Variants in ZNF438 observed in about 807,000 individuals in gnomAD.
ZNF438 encodes zinc finger protein 438.
ZNF438 carries 25 observed loss-of-function variants against 38.0 expected under a neutral mutation model. That is an observed-to-expected ratio of 0.66 (90% confidence interval 0.48 to 0.92). The LOEUF (loss-of-function observed/expected upper bound fraction) is 0.92. Among genes scored for constraint, ZNF438 ranks in the 40% least tolerant of loss-of-function variants. The pLI, the probability that ZNF438 is intolerant of heterozygous loss-of-function variation, is 0.00. For synonymous variants in ZNF438, 372 were observed against 364.1 expected (o/e 1.02, Z -0.25); for missense variants, 1,007 against 999.6 (o/e 1.01, Z -0.10).
chr10:31,015,945 T>C lies in ZNF438; in HGVS notation c.-192+15888A>G, dbSNP rs572226406. ...CTATCTGATCAGGGGTCCATTCTTA[T>C]GACCTTACTTAACCTTAATCACCTC... On this transcript the variant is annotated intron_variant, in intron 1 of 5. Transcript: ENST00000413025. Among the ~76,000 whole-genome samples, 13 of 152,334 alleles carry C rather than the reference T, an allele frequency of 8.5e-5. No homozygotes were observed. The East Asian group carries it at 1.9e-3, about 23-fold the overall frequency.
At chr10:30,904,544 G>C (rs1345932698) in intron 3 of ZNF438, among the ~76,000 whole-genome samples, 2 of 152,118 alleles carry the variant, frequency 1.3e-5, no homozygotes, top group Admixed American at 6.6e-5. Flanking sequence ...GACACAGCCA[G>C]AGTGATGTTT....
At chr10:31,024,971 T>C (rs2056846178) in intron 1 of ZNF438, among the ~76,000 whole-genome samples, 1 of 152,022 alleles carries the variant, frequency 6.6e-6, no homozygotes, top group Non-Finnish European at 1.5e-5. Flanking sequence ...CAAAAACAAA[T>C]ACAAAACCAC....
intron 2 of ZNF438, among the ~76,000 whole-genome samples, chr10:30,923,573 G>T (rs368553734): frequency 6.6e-6 from 1 of 152,068 alleles, no homozygotes; most frequent in African/African-American, 2.4e-5. Flanking sequence ...GCTGTTACGC[G>T]CACCCTTTCC....
Position 30,864,115 on chromosome 10 carries a change from A to G in ZNF438, c.37+12883T>C, listed in dbSNP as rs566714445. Among the ~76,000 whole-genome samples the G allele has an allele frequency of 2.6e-5, 4 of 152,272 alleles. No individual in the cohort carries two copies. The South Asian group carries it at 8.3e-4, about 32-fold the overall frequency. On this transcript the variant is annotated intron_variant, in intron 4 of 5. Coordinates refer to ENST00000413025, the Ensembl canonical transcript of ZNF438. ...GAAAAAAGAGAGGCTATTATGTGGG[A>G]ACTCATTCACTGTCCCTTTTATTTG...
intron 4 of ZNF438, among the ~76,000 whole-genome samples, chr10:30,856,708 A>G (rs967968242): frequency 2.0e-5 from 3 of 152,358 alleles, no homozygotes; most frequent in African/African-American, 7.2e-5. Context: ...AGAGACTCAC[A>G]GGACTCTCAG....
intron 3 of ZNF438, among the ~76,000 whole-genome samples, chr10:30,899,892 C>A (rs1305846292): frequency 1.3e-5 from 2 of 152,144 alleles, no homozygotes; most frequent in Non-Finnish European, 2.9e-5. Flanking sequence ...TTTCTGGCCA[C>A]AAGGATAGCT....
chr10:30,862,287 G>C (rs148708042), intron 4 of ZNF438, among the ~76,000 whole-genome samples: 1 of 152,120 alleles, frequency 6.6e-6, no homozygotes, highest in African/African-American at 2.4e-5. Context: ...AACTAAAAAT[G>C]GGCCCTTTTT....
intron 2 of ZNF438, among the ~76,000 whole-genome samples, chr10:30,934,295 T>C (rs902549410): frequency 7.2e-5 from 11 of 152,310 alleles, no homozygotes; most frequent in Admixed American, 5.9e-4. Flanking sequence ...TCCGTATCTG[T>C]GTATCTGAAG....
intron 3 of ZNF438, among the ~76,000 whole-genome samples, chr10:30,890,854 T>A (rs2040593321): frequency 6.6e-6 from 1 of 152,336 alleles, no homozygotes; most frequent in Non-Finnish European, 1.5e-5. Flanking sequence ...TTGTTCAATT[T>A]TAGGCATTAT....
chr10:30,896,587 C>G (rs2041378972), intron 3 of ZNF438, among the ~76,000 whole-genome samples: 2 of 151,856 alleles, frequency 1.3e-5, no homozygotes, highest in Admixed American at 6.6e-5. Context: ...CCATATATAT[C>G]AGGTATCTAG....
intron 1 of ZNF438, among the ~76,000 whole-genome samples, chr10:31,023,832 G>A (rs183958790): frequency 2.0e-5 from 3 of 151,922 alleles, no homozygotes; most frequent in East Asian, 2.0e-4. Flanking sequence ...TAAACTCTAA[G>A]TTTAAAGCTG....
intron 3 of ZNF438, among the ~76,000 whole-genome samples, chr10:30,902,656 GAC>G (rs1455407040): frequency 2.0e-5 from 3 of 152,194 alleles, no homozygotes; most frequent in Non-Finnish European, 4.4e-5. Context: ...CCTTGAGCTA[GAC>G]ACAGAGTGCT....
At chr10:30,899,456 A>G (rs1282727674) in intron 3 of ZNF438, among the ~76,000 whole-genome samples, 2 of 152,232 alleles carry the variant, frequency 1.3e-5, no homozygotes, top group African/African-American at 4.8e-5. Context: ...TATAAGTATC[A>G]GGCTTTCAGT....
At chr10:30,875,326 C>T (rs756078253) in intron 4 of ZNF438, 336 of 985,406 alleles carry the variant, frequency 3.4e-4, no homozygotes, top group Middle Eastern at 5.2e-4. Flanking sequence ...CTCACATAGA[C>T]TCACCTTTTT....
intron 3 of ZNF438, among the ~76,000 whole-genome samples, chr10:30,878,471 G>A (rs755145944): frequency 3.9e-5 from 6 of 151,958 alleles, no homozygotes; most frequent in Non-Finnish European, 8.8e-5. Context: ...GACATCCATC[G>A]CTAAATAAAA....
intron 4 of ZNF438, among the ~76,000 whole-genome samples, chr10:30,873,893 C>G (rs796823703): frequency 1.9e-4 from 29 of 151,986 alleles, no homozygotes; most frequent in African/African-American, 7.0e-4. Context: ...GAATTTTATA[C>G]AGAAATGCAT....
chr10:30,956,280 G>T (rs755617876), intron 1 of ZNF438, among the ~76,000 whole-genome samples: 4 of 152,172 alleles, frequency 2.6e-5, no homozygotes, highest in African/African-American at 9.7e-5. Context: ...GAGACTGTTA[G>T]TGAAATGATA....
intron 4 of ZNF438, among the ~76,000 whole-genome samples, chr10:30,859,105 G>A (rs1483900917): frequency 6.6e-6 from 1 of 152,122 alleles, no homozygotes; most frequent in Non-Finnish European, 1.5e-5. Flanking sequence ...TTTTGAGACA[G>A]GGTCTCACTC....
intron 4 of ZNF438, among the ~76,000 whole-genome samples, chr10:30,861,943 G>A (rs1470021748): frequency 6.6e-6 from 1 of 152,148 alleles, no homozygotes; most frequent in Non-Finnish European, 1.5e-5. Context: ...AGGACACTAA[G>A]CCAGGCAAAT....
Sources: gnomAD v4.1 joint callset for allele counts (sites outside exome capture counted in the v4.1 genomes callset) on GRCh38, gnomAD v4.1.1 for gene constraint, MANE v1.5 for transcripts, NCBI Gene and HGNC (gene_info 2026-07-23, HGNC 2026-07-21) for gene names.